Variants in UNC79 observed in about 807,000 individuals in gnomAD.
UNC79 encodes protein unc-79 homolog.
A neutral mutation model predicts 283.1 loss-of-function variants in UNC79; 37 were observed. The observed-to-expected ratio is 0.13, with a 90% CI of 0.10 to 0.17. UNC79 has a LOEUF of 0.17. UNC79 is among the 10% of genes least tolerant of loss of function. The probability of loss-of-function intolerance (pLI) is 1.00; values close to 1 mark genes in which losing one functional copy is unlikely to be tolerated. For synonymous variants in UNC79, 1,107 were observed against 1,200.2 expected (o/e 0.92, Z 1.61); for missense variants, 2,272 against 3,211.1 (o/e 0.71, Z 7.07).
chr14:93,425,355 A>G (rs901550815), upstream of UNC79, among the ~76,000 whole-genome samples: 1 of 152,176 alleles, frequency 6.6e-6, no homozygotes, highest in South Asian at 2.1e-4. Flanking sequence ...ACCATGACAC[A>G]TGGGGATTTT....
downstream of UNC79, chr14:93,707,706 G>A (rs1365051583): frequency 1.3e-5 from 2 of 152,162 alleles, no homozygotes; most frequent in African/African-American, 2.4e-5. Flanking sequence ...TTCATAAAAC[G>A]GAATTTTAAT....
Position 93,430,839 on chromosome 14 carries a change from C to T in UNC79, c.-191C>T. The T allele has an allele frequency of 1.9e-6, 1 of 512,850 alleles. No individual in the cohort carries two copies. Among genetic ancestry groups the T allele is most frequent in the African/African-American group, 2.0e-5 (1 of 50,878 alleles). The allele number at this position is 512,850 out of a possible 1,614,324, so 31.8% of individuals were successfully genotyped here. A position where few individuals can be genotyped will look rare whatever the true frequency, so the allele number is the denominator to read the frequency against. On this transcript the variant is annotated 5_prime_UTR_variant, in exon 1 of 49. Coordinates refer to ENST00000555664, the Ensembl canonical transcript of UNC79. This position sits in a 1 kb window ranked among gnomAD's most constrained non-coding sequence, Gnocchi z 4.6. Reference sequence around the variant, plus strand: ...ATTTCTCCGGGGGCGATTTCCTAACCTTCCGGGACCGAATTCTGCAATTTG... The same window carrying T: ...ATTTCTCCGGGGGCGATTTCCTAACTTTCCGGGACCGAATTCTGCAATTTG...
chr14:93,432,243 A>G (rs1325794512), intron 1 of UNC79, among the ~76,000 whole-genome samples: 1 of 152,256 alleles, frequency 6.6e-6, no homozygotes, highest in African/African-American at 2.4e-5. Context: ...GAAGGCTTAT[A>G]GAATTCTCAG....
At chr14:93,400,174 C>T (rs1351829393) in intron 1 of UNC79, among the ~76,000 whole-genome samples, 2 of 152,054 alleles carry the variant, frequency 1.3e-5, no homozygotes, top group East Asian at 1.9e-4. Flanking sequence ...ATTTTATGCT[C>T]CTTTAGCGGG....
intron 11 of UNC79, among the ~76,000 whole-genome samples, chr14:93,537,284 C>T (rs79498191): frequency 2.1e-4 from 32 of 152,364 alleles, no homozygotes; most frequent in Non-Finnish European, 3.2e-4. Context: ...TCTTACGCTC[C>T]ACCACTTTTC....
chr14:93,465,900 A>G (rs1372359778), intron 1 of UNC79, among the ~76,000 whole-genome samples: 1 of 152,226 alleles, frequency 6.6e-6, no homozygotes, highest in Non-Finnish European at 1.5e-5. Context: ...GTGCTGGCCT[A>G]GCATATATCT....
At chr14:93,355,977 C>T (rs2054078019) in intron 1 of UNC79, among the ~76,000 whole-genome samples, 1 of 151,040 alleles carries the variant, frequency 6.6e-6, no homozygotes, top group African/African-American at 2.4e-5. Context: ...ACATCCGTAG[C>T]TTACTCTTAT....
intron 1 of UNC79, among the ~76,000 whole-genome samples, chr14:93,436,364 AT>A (rs1365331814): frequency 1.3e-5 from 2 of 152,164 alleles, no homozygotes; most frequent in African/African-American, 4.8e-5. Flanking sequence ...CATGTTACAC[AT>A]TTCTTAAACA....
chr14:93,658,641 T>C (rs141742122), intron 38 of UNC79, among the ~76,000 whole-genome samples: 21 of 152,318 alleles, frequency 1.4e-4, no homozygotes, highest in African/African-American at 4.8e-4. Context: ...CTTGTAGAAA[T>C]TTTACTGCAT....
chr14:93,581,484 CTTTTTTTTT>C (rs569060513), intron 19 of UNC79, among the ~76,000 whole-genome samples: 13 of 100,662 alleles, frequency 1.3e-4, no homozygotes, highest in South Asian at 3.4e-4. Context: ...GTATTTGCAT[CTTTTTTTTT>C]TTTTTTTTTT....
At chr14:93,549,755 C>G (rs1341582566) in intron 14 of UNC79, among the ~76,000 whole-genome samples, 1 of 152,192 alleles carries the variant, frequency 6.6e-6, no homozygotes, top group Non-Finnish European at 1.5e-5. Flanking sequence ...TGGTTACATC[C>G]TGATGTTTGC....
intron 9 of UNC79, 112 bp from the exon 10 acceptor site, chr14:93,529,174 A>G: frequency 1.9e-6 from 2 of 1,025,732 alleles, no homozygotes; most frequent in South Asian, 1.7e-5. Context: ...GCTCTTAATT[A>G]TACTTCCTTT....
intron 45 of UNC79, chr14:93,691,143 T>A (rs1423873831): frequency 6.4e-6 from 1 of 155,272 alleles, no homozygotes; most frequent in Non-Finnish European, 1.4e-5. Flanking sequence ...TTGACAAGTG[T>A]GTCTAACCTC....
chr14:93,660,880 G>A (rs1201452175), intron 39 of UNC79, among the ~76,000 whole-genome samples: 2 of 151,970 alleles, frequency 1.3e-5, no homozygotes, highest in Non-Finnish European at 1.5e-5. Context: ...ATGTCCCACT[G>A]CGCCCAACCT....
intron 1 of UNC79, among the ~76,000 whole-genome samples, chr14:93,456,256 TG>T: frequency 6.6e-6 from 1 of 152,256 alleles, no homozygotes. Flanking sequence ...AGGACTTATT[TG>T]TTAATGTTGA....
At chr14:93,577,883 T>C (rs764106263) in exon 18 of UNC79, 1 of 1,614,212 alleles carries the variant, frequency 6.2e-7, no homozygotes, top group Admixed American at 1.7e-5. Flanking sequence ...TTCAGCACAA[T>C]ATGCTTAGTC....
intron 7 of UNC79, among the ~76,000 whole-genome samples, chr14:93,506,133 A>T (rs927046464): frequency 1.3e-5 from 2 of 151,904 alleles, no homozygotes; most frequent in African/African-American, 2.4e-5. Flanking sequence ...CTTTAGTGCC[A>T]TTCTACTGAA....
intron 1 of UNC79, among the ~76,000 whole-genome samples, chr14:93,450,521 A>G (rs1179501057): frequency 6.6e-6 from 1 of 152,022 alleles, no homozygotes; most frequent in Non-Finnish European, 1.5e-5. Context: ...ATGTCTAAAT[A>G]CGCCTTTATT....
At position 93,409,862 on chromosome 14, in the gene UNC79, A is replaced by C. The variant is rs75292203; in HGVS notation, c.-350-57809A>C. 3.7e-3 allele frequency among the ~76,000 whole-genome samples: 568 copies of C among 152,316 alleles called. 4 individuals carry two copies. The highest frequency in any genetic ancestry group is 0.013 in the African/African-American group (541 of 41,564). On this transcript the variant is annotated intron_variant, in intron 1 of 49. Coordinates refer to the UNC79 transcript ENST00000256339. ...AAAGGTTTTAAAATATAATTTGATA[A>C]ATTGATTCTAAAATTTACATGAGTA...
Sources: allele counts gnomAD v4.1 joint callset (sites outside exome capture counted in the v4.1 genomes callset), GRCh38; gene constraint gnomAD v4.1.1; non-coding constraint Gnocchi (gnomAD v3.1); transcripts MANE v1.5; gene names NCBI Gene and HGNC (gene_info 2026-07-23, HGNC 2026-07-21).